The following ZBTB20 variants were observed in gnomAD, a reference collection of about 807,000 sequenced individuals.
ZBTB20 encodes the protein zinc finger and BTB domain-containing protein 20.
ZBTB20 carries 9 observed loss-of-function variants against 56.9 expected under a neutral mutation model. That is an observed-to-expected ratio of 0.16 (90% CI 0.10 to 0.28). The LOEUF (loss-of-function observed/expected upper bound fraction) is 0.28. ZBTB20 is among the 10% of genes least tolerant of loss of function. The probability of loss-of-function intolerance (pLI) is 1.00; values close to 1 mark genes in which losing one functional copy is unlikely to be tolerated. For missense variants in ZBTB20, 655 were observed against 1,003.0 expected (o/e 0.65, Z 4.69); for synonymous variants, 417 against 420.7 (o/e 0.99, Z 0.11).
intron 3 of ZBTB20, among the ~76,000 whole-genome samples, chr3:114,944,795 T>G (rs75748369): frequency 0.011 from 1,569 of 144,344 alleles, 296 homozygotes; most frequent in African/African-American, 0.04. Context: ...ATACAGGGAG[T>G]AAAATGGTGG....
chr3:114,630,937 T>G (rs970949618), intron 6 of ZBTB20, among the ~76,000 whole-genome samples: 8 of 152,182 alleles, frequency 5.3e-5, no homozygotes, highest in Admixed American at 1.3e-4. Context: ...ATTGCACTAC[T>G]GTTCACATTT....
chr3:114,954,991 T>C (rs1194682280), intron 3 of ZBTB20, among the ~76,000 whole-genome samples: 1 of 152,184 alleles, frequency 6.6e-6, no homozygotes, highest in Non-Finnish European at 1.5e-5. Context: ...TAAAGGAAAC[T>C]TCTTGTCTGC....
At chr3:114,666,527 G>A (rs1195032506) in intron 6 of ZBTB20, among the ~76,000 whole-genome samples, 2 of 152,010 alleles carry the variant, frequency 1.3e-5, no homozygotes, top group African/African-American at 4.8e-5. Context: ...CTAGTAAGTG[G>A]TGATAGACTT....
At chr3:114,915,388 T>C (rs1323677602) in intron 3 of ZBTB20, among the ~76,000 whole-genome samples, 2 of 151,984 alleles carry the variant, frequency 1.3e-5, no homozygotes, top group Non-Finnish European at 1.5e-5. Flanking sequence ...CTTCTAATGG[T>C]CTTTTGAATT....
rs138635038 is a variant in ZBTB20, at chr3:115,140,096, C to A, written c.-703+7123G>T. 5.0e-3 allele frequency among the ~76,000 whole-genome samples: 760 copies of A among 151,962 alleles called. 9 individuals carry two copies. The highest frequency in any genetic ancestry group is 0.018 in the African/African-American group (728 of 41,472). ...ATAACAATTCAATTGTTGAAGGAAA[C>A]AAACTCAGATGATTAGAACTGAAAA... On this transcript the variant is annotated intron_variant, in intron 1 of 11. Transcript: ENST00000675478.
chr3:114,898,021 T>C (rs2074957302), intron 4 of ZBTB20, among the ~76,000 whole-genome samples: 1 of 152,146 alleles, frequency 6.6e-6, no homozygotes, highest in African/African-American at 2.4e-5. Flanking sequence ...TAAAATTTAG[T>C]GAGTCATAGA....
chr3:114,555,499 C>A (rs1217123339), intron 6 of ZBTB20, among the ~76,000 whole-genome samples: 1 of 152,082 alleles, frequency 6.6e-6, no homozygotes, highest in African/African-American at 2.4e-5. Flanking sequence ...ATGATTGGTA[C>A]ACCTGAATCT....
chr3:114,967,437 T>C (rs1159391747), intron 3 of ZBTB20, among the ~76,000 whole-genome samples: 5 of 152,230 alleles, frequency 3.3e-5, no homozygotes, highest in Non-Finnish European at 7.3e-5. Context: ...TGTACTGTAC[T>C]TTCTATCTCA....
At chr3:114,830,823 C>T (rs2073797540) in intron 4 of ZBTB20, among the ~76,000 whole-genome samples, 1 of 151,952 alleles carries the variant, frequency 6.6e-6, no homozygotes, top group Non-Finnish European at 1.5e-5. Flanking sequence ...TCTGACCTAA[C>T]TGAGCATAAT....
At chr3:114,675,976 G>C (rs1242963797) in intron 6 of ZBTB20, among the ~76,000 whole-genome samples, 1 of 150,804 alleles carries the variant, frequency 6.6e-6, no homozygotes, top group Non-Finnish European at 1.5e-5. Flanking sequence ...CTCTACCAGA[G>C]AGTACTGTTA....
rs565476827 is a variant in ZBTB20, at chr3:114,528,508, C to T, written c.-294-28117G>A. The T allele has an allele frequency of 1.7e-4, 26 of 152,212 alleles. No individual in the cohort carries two copies. In the East Asian group the frequency reaches 4.6e-3, roughly 27 times the overall value. 9.4% of individuals were successfully genotyped at this position (152,212 alleles called of 1,614,324 possible). ...TTATGATAGATGTTTTAAATCAGTA[C>T]CGTTTTCCTTTAGTTTGGAGTAAAA... On this transcript the variant is annotated intron_variant, in intron 6 of 11. Coordinates refer to ENST00000675478, the MANE Select transcript of ZBTB20 (RefSeq NM_001348800.3).
At chr3:114,511,367 C>T (rs571284405) in intron 6 of ZBTB20, among the ~76,000 whole-genome samples, 5 of 152,066 alleles carry the variant, frequency 3.3e-5, no homozygotes, top group Admixed American at 6.6e-5. Context: ...CTATTTCCCT[C>T]GGTTCTACTA....
intron 5 of ZBTB20, among the ~76,000 whole-genome samples, chr3:114,765,858 C>T (rs1213130371): frequency 6.6e-6 from 1 of 151,998 alleles, no homozygotes; most frequent in African/African-American, 2.4e-5. Flanking sequence ...TCAATTTTTC[C>T]TAATCCAATG....
intron 1 of ZBTB20, among the ~76,000 whole-genome samples, chr3:115,122,844 G>C (rs1398591535): frequency 6.6e-6 from 1 of 151,976 alleles, no homozygotes; most frequent in Non-Finnish European, 1.5e-5. Flanking sequence ...CATTGACATA[G>C]CTATATCATT....
chr3:115,067,460 AT>A lies in ZBTB20; in HGVS notation c.-507+3758del, dbSNP rs368943483. ...TATACGGAACATCAATCTAATCTTT[AT>A]TTGGGCATATAAATCATTCAATGGA... On this transcript the variant is annotated intron_variant, in intron 2 of 11. Coordinates refer to ENST00000675478, the MANE Select transcript of ZBTB20 (RefSeq NM_001348800.3). 4.3e-4 allele frequency among the ~76,000 whole-genome samples: 66 copies of A among 151,744 alleles called. 1 individual carries two copies. The East Asian group carries it at 8.9e-3, about 21-fold the overall frequency.
At chr3:114,816,667 T>C (rs1440692107) in intron 4 of ZBTB20, among the ~76,000 whole-genome samples, 1 of 152,176 alleles carries the variant, frequency 6.6e-6, no homozygotes, top group African/African-American at 2.4e-5. Context: ...ATACCAAAGC[T>C]TACTGCTAAA....
Position 114,339,262 on chromosome 3 carries a change from G to A in ZBTB20, c.1969C>T (p.Arg657Trp). 5.6e-6 allele frequency: 9 copies of A among 1,614,202 alleles called. No individual in the cohort carries two copies. Among genetic ancestry groups the A allele is most frequent in the South Asian group, 1.1e-5 (1 of 91,082 alleles). ...TAGCACTCGTAGGACTTCTCTCCCC[G>A]GTGGAGGCGCATGTGCACGTTGAGG... ...SSLNVHMRLH[R>W]GEKSYECYIC... The change falls in exon 12 of 12, where the codon CGG becomes TGG. Residue 657 changes from arginine (R) to tryptophan (W), a missense_variant. Physicochemically the swap from Arg to Trp is moderately radical, Grantham distance 101. Around this residue, in one of 10 missense-constraint regions of ZBTB20, gnomAD observed 15 missense variants for 35.8 expected, o/e 0.42. Transcript: ENST00000675478. This position sits in a 1 kb window ranked among gnomAD's most constrained non-coding sequence, Gnocchi z 4.2.
At chr3:114,701,566 T>C (rs1295968149) in intron 5 of ZBTB20, among the ~76,000 whole-genome samples, 1 of 152,184 alleles carries the variant, frequency 6.6e-6, no homozygotes, top group Non-Finnish European at 1.5e-5. Flanking sequence ...TGCAGTGAAG[T>C]AGCTGTGGCC....
chr3:114,493,097 C>A (rs527304960), intron 7 of ZBTB20, among the ~76,000 whole-genome samples: 2 of 152,220 alleles, frequency 1.3e-5, no homozygotes, highest in South Asian at 4.2e-4. Context: ...TTTTTCATTT[C>A]AAGAGTGCTA....
Sources: allele counts gnomAD v4.1 joint callset (sites outside exome capture counted in the v4.1 genomes callset), GRCh38; gene constraint gnomAD v4.1.1; regional missense constraint gnomAD v4.1.1; non-coding constraint Gnocchi (gnomAD v3.1); transcripts MANE v1.5; gene names NCBI Gene and HGNC (gene_info 2026-07-23, HGNC 2026-07-21).